BCLAF1: variants seen among roughly 807,000 people sequenced by gnomAD.
BCLAF1 encodes bcl-2-associated transcription factor 1.
A neutral mutation model predicts 99.5 loss-of-function variants in BCLAF1; 10 were observed. The ratio of observed to expected loss-of-function variants is 0.10; its 90% CI spans 0.06 to 0.17. BCLAF1 has a LOEUF of 0.17. Ranked by LOEUF, BCLAF1 falls within the 10% of genes least tolerant of loss-of-function variation. The pLI is 1.00. For synonymous variants in BCLAF1, 255 were observed against 370.9 expected, an observed-to-expected ratio of 0.69 and a Z score of 3.59; for missense variants, 636 against 1,105.8, an observed-to-expected ratio of 0.58 and a Z score of 6.02.
At chr6:136,283,544 T>C (rs1349142748) in intron 1 of BCLAF1, among the ~76,000 whole-genome samples, 3 of 152,192 alleles carry the variant, frequency 2.0e-5, no homozygotes, top group Admixed American at 6.5e-5. Flanking sequence ...TTTATGTATA[T>C]TCACATCAAG....
At chr6:136,263,640 T>C (rs180679992) in intron 11 of BCLAF1, among the ~76,000 whole-genome samples, 10 of 152,210 alleles carry the variant, frequency 6.6e-5, no homozygotes, top group Non-Finnish European at 1.2e-4. Context: ...TGAATCATCT[T>C]CTCTTCTCCA....
rs758719183 is a variant in BCLAF1 at position 136,261,459 on chromosome 6, C to T, written c.2563G>A (p.Gly855Ser). 1.9e-6 allele frequency: 3 copies of T among 1,613,346 alleles called. No individual in the cohort carries two copies. Among genetic ancestry groups the T allele is most frequent in the Non-Finnish European group, 8.5e-7 (1 of 1,179,706 alleles). The change falls in exon 12 of 13, where the codon GGT (glycine) becomes AGT (serine). Residue 855 changes from glycine (G) to serine (S), a missense_variant. Around this residue, in one of 9 missense-constraint regions of BCLAF1, gnomAD observed 57 missense variants for 116.7 expected, o/e 0.49. Transcript: ENST00000531224. ...KYFLHDDRDD[G>S]VDYWAKRGRG... ...CCTCTTTTGGCCCAATAATCCACAC[C>T]ATCATCTCTGTCGTCATGCTACAGA...
intron 3 of BCLAF1, among the ~76,000 whole-genome samples, chr6:136,279,306 T>C (rs1008851529): frequency 6.6e-6 from 1 of 152,190 alleles, no homozygotes; most frequent in Admixed American, 6.5e-5. Context: ...GGTTTCTGTT[T>C]TCTATGCTAA....
chr6:136,278,549 C>T lies in BCLAF1; in HGVS notation c.332G>A (p.Arg111His), dbSNP rs148908235. 47 of 1,591,084 alleles carry T rather than the reference C, an allele frequency of 3.0e-5. No individual in the cohort carries two copies. Among genetic ancestry groups the T allele is most frequent in the Non-Finnish European group, 3.7e-5 (43 of 1,169,556 alleles). Residue 111 changes from arginine (R) to histidine (H), a missense_variant, in exon 4 of 13, where the codon CGT becomes CAT. By Grantham distance (29) the Arg-to-His change is conservative. This residue lies in a region of BCLAF1 where 12 missense variants were observed against 96.3 expected (regional missense o/e 0.12). Coordinates refer to ENST00000531224, the MANE Select transcript of BCLAF1 (RefSeq NM_014739.3). Reference sequence around the variant, plus strand: ...GGATCTTCTTTTTGGACTCCTGGAACGTGAACGACCTCGTCTAGGACTCCT... The same window carrying T: ...GGATCTTCTTTTTGGACTCCTGGAATGTGAACGACCTCGTCTAGGACTCCT... ...HSRSPRRGRS[R>H]SRSPKRRSVS...
In BCLAF1 at chr6:136,269,511, C is replaced by T. The variant is rs1487545684; in HGVS notation, c.2145G>A (p.Arg715=). The T allele has an allele frequency of 1.2e-6, 2 of 1,612,230 alleles. No individual in the cohort carries two copies. The highest frequency in any genetic ancestry group is 1.1e-5 in the South Asian group (1 of 90,966). The part of the protein sequence containing the change: ...SKERGDSKGS[R]ESSGSRKQEK... Reference sequence around the variant, plus strand: ...CCTGCTTTCTTGATCCACTGGATTCCCTGGAGCCCTTGGAATCTCCCCGTT... The same window carrying T: ...CCTGCTTTCTTGATCCACTGGATTCTCTGGAGCCCTTGGAATCTCCCCGTT... The change falls in exon 9 of 13, where the codon AGG becomes AGA. Residue 715 remains arginine, a synonymous_variant. Transcript: ENST00000531224.
chr6:136,262,192 T>C (rs1334606417), intron 11 of BCLAF1, among the ~76,000 whole-genome samples: 1 of 152,144 alleles, frequency 6.6e-6, no homozygotes, highest in African/African-American at 2.4e-5. Flanking sequence ...CAAAACAATC[T>C]GCAAAACTGA....
At chr6:136,274,121 G>T in intron 6 of BCLAF1, 1 of 1,288,674 alleles carries the variant, frequency 7.8e-7, no homozygotes, top group Non-Finnish European at 1.0e-6. Context: ...ATTCAACTTT[G>T]CCTGTATCTT....
chr6:136,281,257 G>C (rs1784352422), intron 2 of BCLAF1, among the ~76,000 whole-genome samples: 2 of 152,224 alleles, frequency 1.3e-5, no homozygotes, highest in South Asian at 4.1e-4. Flanking sequence ...CATAGGTTCA[G>C]GGTTCAAAAA....
intron 1 of BCLAF1, among the ~76,000 whole-genome samples, chr6:136,286,465 A>C (rs570545288): frequency 1.9e-4 from 29 of 152,192 alleles, no homozygotes; most frequent in Admixed American, 4.6e-4. Context: ...TACAGGGTTA[A>C]ATGAACTAAG....
At chr6:136,282,709 T>C (rs771486437) in intron 1 of BCLAF1, 22 bp from the exon 2 acceptor site, 3 of 152,180 alleles carry the variant, frequency 2.0e-5, no homozygotes, top group African/African-American at 7.2e-5. Flanking sequence ...AAAAAAACCA[T>C]TATTGTGATT....
rs1248232928 is a variant in BCLAF1, at chr6:136,257,022, G to A, written c.*4088C>T. The A allele has an allele frequency of 6.6e-6, 1 of 152,110 alleles. No homozygotes were observed. The highest frequency in any genetic ancestry group is 2.4e-5 in the African/African-American group (1 of 41,426). 9.4% of individuals were successfully genotyped at this position (152,110 alleles called of 1,614,324 possible). ...GCTATGATCATGTACTTTTATTAAA[G>A]GCAGAGCTCATTATTAATGAAATCT... On this transcript the variant is annotated 3_prime_UTR_variant, in exon 13 of 13. Transcript: ENST00000531224.
At chr6:136,272,703 C>T (rs536145032) in intron 7 of BCLAF1, among the ~76,000 whole-genome samples, 23 of 152,072 alleles carry the variant, frequency 1.5e-4, no homozygotes, top group African/African-American at 5.3e-4. Context: ...AGGATTTCAA[C>T]ACAACTATCT....
At chr6:136,282,456 C>G (rs1784501659) in intron 2 of BCLAF1, 128 bp downstream of exon 2, 2 of 152,006 alleles carry the variant, frequency 1.3e-5, no homozygotes, top group South Asian at 4.1e-4. Context: ...TACAAGCCAC[C>G]AAAATAAACA....
chr6:136,262,172 T>C (rs958326112), intron 11 of BCLAF1, among the ~76,000 whole-genome samples: 1 of 152,118 alleles, frequency 6.6e-6, no homozygotes, highest in Admixed American at 6.6e-5. Flanking sequence ...TATGAAATTG[T>C]TCTATTAAGC....
intron 1 of BCLAF1, among the ~76,000 whole-genome samples, chr6:136,284,158 A>ATC (rs1554220670): frequency 3.5e-5 from 5 of 144,012 alleles, no homozygotes; most frequent in African/African-American, 5.1e-5. Context: ...ATATATATAT[A>ATC]TCCAGAGAAG....
intron 11 of BCLAF1, among the ~76,000 whole-genome samples, chr6:136,262,383 A>C (rs1391287756): frequency 3.3e-5 from 5 of 152,312 alleles, no homozygotes; most frequent in Middle Eastern, 3.4e-3. Flanking sequence ...AATGTTGTGT[A>C]ATCTATAGAG....
intron 11 of BCLAF1, among the ~76,000 whole-genome samples, chr6:136,263,004 A>G (rs1781228299): frequency 6.6e-6 from 1 of 152,204 alleles, no homozygotes; most frequent in Non-Finnish European, 1.5e-5. Context: ...GTGTCTGACA[A>G]GCAAGCACTC....
At chr6:136,285,764 T>C (rs532812167) in intron 1 of BCLAF1, among the ~76,000 whole-genome samples, 7 of 152,290 alleles carry the variant, frequency 4.6e-5, no homozygotes, top group African/African-American at 1.7e-4. Flanking sequence ...AAATAATACA[T>C]AATGACCAGC....
chr6:136,288,852 A>G (rs1785527937), intron 1 of BCLAF1, among the ~76,000 whole-genome samples: 1 of 152,186 alleles, frequency 6.6e-6, no homozygotes, highest in Non-Finnish European at 1.5e-5. Flanking sequence ...TTCTGACACG[A>G]CTAAATGGGC....
Sources: allele counts gnomAD v4.1 joint callset (sites outside exome capture counted in the v4.1 genomes callset), GRCh38; gene constraint gnomAD v4.1.1; regional missense constraint gnomAD v4.1.1; transcripts MANE v1.5; gene names NCBI Gene and HGNC (gene_info 2026-07-23, HGNC 2026-07-21).